Variants in PPFIA1 observed in about 807,000 individuals in gnomAD.
PPFIA1 encodes the protein PPFI scaffold protein A1.
PPFIA1 carries 25 observed loss-of-function variants against 149.9 expected under a neutral mutation model. The ratio of observed to expected loss-of-function variants is 0.17; its 90% CI spans 0.12 to 0.23. PPFIA1 has a LOEUF of 0.23. Ranked by LOEUF, PPFIA1 falls within the 10% of genes least tolerant of loss-of-function variation. The probability of loss-of-function intolerance (pLI) is 1.00; values close to 1 mark genes in which losing one functional copy is unlikely to be tolerated. For synonymous variants in PPFIA1, 549 were observed against 552.8 expected, an observed-to-expected ratio of 0.99 and a Z score of 0.10; for missense variants, 1,362 against 1,506.5, an observed-to-expected ratio of 0.90 and a Z score of 1.59.
At chr11:70,355,592 G>T (rs764061549) in intron 17 of PPFIA1, 47 bp from the exon 18 acceptor site, 6 of 1,529,588 alleles carry the variant, frequency 3.9e-6, no homozygotes, top group Non-Finnish European at 4.4e-6. Flanking sequence ...AATATGTGAA[G>T]TATCCTACAA....
intron 23 of PPFIA1, among the ~76,000 whole-genome samples, chr11:70,373,211 GTTTGTTTA>G (rs1450115669): frequency 7.9e-5 from 12 of 152,212 alleles, no homozygotes; most frequent in South Asian, 4.2e-4. Context: ...TTATTTGTTT[GTTTGTTTA>G]TTTATTTATT....
At chr11:70,279,432 T>C (rs2050606172) in intron 2 of PPFIA1, 1 of 165,246 alleles carries the variant, frequency 6.1e-6, no homozygotes, top group Non-Finnish European at 1.3e-5. Context: ...TTTTCTTTGC[T>C]TCAGGCATTA....
chr11:70,273,333 GAAA>G (rs1208330948), intron 2 of PPFIA1, among the ~76,000 whole-genome samples: 1 of 152,172 alleles, frequency 6.6e-6, no homozygotes, highest in African/African-American at 2.4e-5. Flanking sequence ...ACCAGTGTTT[GAAA>G]GACTTTGCTC....
At chr11:70,292,573 T>C (rs1031176282) in intron 2 of PPFIA1, among the ~76,000 whole-genome samples, 1 of 152,194 alleles carries the variant, frequency 6.6e-6, no homozygotes, top group Non-Finnish European at 1.5e-5. Context: ...TTGTCTACTG[T>C]GTGTAAGGTA....
At chr11:70,309,357 G>A (rs1039404815) in intron 2 of PPFIA1, among the ~76,000 whole-genome samples, 4 of 152,050 alleles carry the variant, frequency 2.6e-5, no homozygotes, top group African/African-American at 7.2e-5. Flanking sequence ...TAGTAGAGAC[G>A]GGGGTTTCTC....
At chr11:70,277,953 C>G (rs958795173) in intron 2 of PPFIA1, among the ~76,000 whole-genome samples, 3 of 152,142 alleles carry the variant, frequency 2.0e-5, no homozygotes. Flanking sequence ...GCTCTGTCGC[C>G]GGTCTGGAGT....
intron 2 of PPFIA1, among the ~76,000 whole-genome samples, chr11:70,297,315 G>A (rs1052671789): frequency 9.2e-5 from 14 of 152,106 alleles, no homozygotes; most frequent in South Asian, 4.2e-4. Flanking sequence ...AGGCTGAGGC[G>A]AGCGGATCGC....
At chr11:70,292,117 G>A (rs1448790226) in intron 2 of PPFIA1, among the ~76,000 whole-genome samples, 1 of 152,132 alleles carries the variant, frequency 6.6e-6, no homozygotes, top group Admixed American at 6.5e-5. Context: ...GATTACAGGC[G>A]TGAGCCACCG....
chr11:70,292,938 T>A (rs2051633958), intron 2 of PPFIA1, among the ~76,000 whole-genome samples: 1 of 152,230 alleles, frequency 6.6e-6, no homozygotes, highest in South Asian at 2.1e-4. Flanking sequence ...TGTCTCTCAG[T>A]TAGATCCCCT....
At chr11:70,352,617 T>C (rs1213859140) in intron 16 of PPFIA1, among the ~76,000 whole-genome samples, 3 of 152,016 alleles carry the variant, frequency 2.0e-5, no homozygotes, top group African/African-American at 7.2e-5. Flanking sequence ...TCCTTCTCTG[T>C]GTCAGTGGTG....
intron 19 of PPFIA1, among the ~76,000 whole-genome samples, chr11:70,359,631 G>A (rs973493627): frequency 5.3e-5 from 8 of 152,282 alleles, no homozygotes; most frequent in South Asian, 2.1e-4. Context: ...TTGAGAGAAA[G>A]TACTTCCTCC....
intron 14 of PPFIA1, among the ~76,000 whole-genome samples, chr11:70,339,900 C>A (rs2055209183): frequency 6.6e-6 from 1 of 152,192 alleles, no homozygotes; most frequent in South Asian, 2.1e-4. Flanking sequence ...CCTATAATCC[C>A]AGCTACTCAG....
intron 26 of PPFIA1, among the ~76,000 whole-genome samples, chr11:70,379,447 G>GA (rs758350744): frequency 3.3e-5 from 5 of 149,340 alleles, no homozygotes; most frequent in Non-Finnish European, 5.9e-5. Context: ...GACAGACTGA[G>GA]ACTCTGTCTC....
chr11:70,338,489 C>A (rs745609203), intron 13 of PPFIA1, 36 bp downstream of exon 13: 15 of 1,545,428 alleles, frequency 9.7e-6, no homozygotes, highest in Non-Finnish European at 1.3e-5. Context: ...ATATTGTCAG[C>A]ACCTGTGGCA....
rs758463797 is a variant in PPFIA1 at position 70,362,403 on chromosome 11, A to T, written c.2780A>T (p.Asn927Ile). The T allele has an allele frequency of 3.7e-6, 6 of 1,613,824 alleles. No homozygotes were observed. Among genetic ancestry groups the T allele is most frequent in the Non-Finnish European group, 5.1e-6 (6 of 1,179,946 alleles). Reference sequence around the variant, plus strand: ...ATCCAGCGTGAGATTGGCATCAGCAACCCCCTGCACAGGCTGAAGCTGAGG... The same window carrying T: ...ATCCAGCGTGAGATTGGCATCAGCATCCCCCTGCACAGGCTGAAGCTGAGG... ...TEIQREIGIS[N>I]PLHRLKLRLA... Residue 927 changes from asparagine (N) to isoleucine (I), a missense_variant, in exon 21 of 28, where the codon AAC (asparagine) becomes ATC (isoleucine). This residue lies in a region of PPFIA1 where 349 missense variants were observed against 373.3 expected (regional missense o/e 0.93). Transcript: ENST00000253925.
At position 70,378,213 on chromosome 11, in the gene PPFIA1, C is replaced by CGG; in HGVS notation, c.3550+18_3550+19insGG. The CGG allele has an allele frequency of 2.5e-6, 4 of 1,605,418 alleles. No individual in the cohort carries two copies. The highest frequency in any genetic ancestry group is 3.4e-6 in the Non-Finnish European group (4 of 1,174,172). ...GATGGACGGTATGTGATGGGTCACACTAACCTGTCACTTGTTGGGAGCATG... is the reference window on the plus strand; with the variant it reads ...GATGGACGGTATGTGATGGGTCACACGGTAACCTGTCACTTGTTGGGAGCATG... On this transcript the variant is annotated intron_variant, in intron 26 of 27. Coordinates refer to ENST00000253925, the MANE Select transcript of PPFIA1 (RefSeq NM_003626.5).
intron 2 of PPFIA1, among the ~76,000 whole-genome samples, chr11:70,275,639 C>A (rs2050338755): frequency 6.6e-6 from 1 of 152,046 alleles, no homozygotes; most frequent in Non-Finnish European, 1.5e-5. Flanking sequence ...ATCTAGTTGA[C>A]CTTGCATAAT....
chr11:70,339,609 C>T (rs984659727), intron 14 of PPFIA1, among the ~76,000 whole-genome samples: 1 of 147,596 alleles, frequency 6.8e-6, no homozygotes, highest in East Asian at 2.0e-4. Context: ...TGTGAGCCAC[C>T]GTGCCTGGCC....
Position 70,351,587 on chromosome 11 carries a change from T to C in PPFIA1, c.2164-2714T>C, listed in dbSNP as rs116112723. On this transcript the variant is annotated intron_variant, in intron 16 of 27. Transcript: ENST00000253925. ...AATCTGAAATGCTCCATTGACCATT[T>C]CCTTCAAGCATCATGTCAGCACTCA... Among the ~76,000 whole-genome samples, 911 of 152,326 alleles carry C rather than the reference T, an allele frequency of 6.0e-3. 10 individuals carry two copies. Among genetic ancestry groups the C allele is most frequent in the African/African-American group, 0.02 (823 of 41,566 alleles).
Sources: gnomAD v4.1 joint callset for allele counts (sites outside exome capture counted in the v4.1 genomes callset) on GRCh38, gnomAD v4.1.1 for gene constraint, gnomAD v4.1.1 regional missense constraint, MANE v1.5 for transcripts, NCBI Gene and HGNC (gene_info 2026-07-23, HGNC 2026-07-21) for gene names.